SDK1: variants seen among roughly 807,000 people sequenced by gnomAD.
The protein encoded by SDK1 is protein sidekick-1.
A neutral mutation model predicts 245.5 loss-of-function variants in SDK1; 157 were observed. The observed-to-expected ratio is 0.64, with a 90% CI of 0.56 to 0.73. SDK1 has a LOEUF of 0.73. Among genes scored for constraint, SDK1 ranks in the 30% least tolerant of loss-of-function variants. The pLI is 0.00. For synonymous variants in SDK1, 1,647 were observed against 1,278.5 expected, an observed-to-expected ratio of 1.29 and a Z score of -6.15; for missense variants, 3,583 against 3,002.3, an observed-to-expected ratio of 1.19 and a Z score of -4.52.
rs143485380 is a variant in SDK1 at position 3,836,376 on chromosome 7, C to T, written c.847+14793C>T. On this transcript the variant is annotated intron_variant, in intron 5 of 44. Coordinates refer to ENST00000404826, the MANE Select transcript of SDK1 (RefSeq NM_152744.4). ...TCAATGTACGAGTGAGTAAAAAGTA[C>T]GGCATTAGTCAGTTTGAGTTGCTGT... is the stretch of plus-strand genomic sequence containing the variant. Among the ~76,000 whole-genome samples, 14 of 152,204 alleles carry T rather than the reference C, an allele frequency of 9.2e-5. 1 individual carries two copies. Among genetic ancestry groups the T allele is most frequent in the Admixed American group, 1.3e-4 (2 of 15,286 alleles).
At chr7:3,965,500 A>C (rs1269116066) in intron 9 of SDK1, among the ~76,000 whole-genome samples, 1 of 152,168 alleles carries the variant, frequency 6.6e-6, no homozygotes, top group African/African-American at 2.4e-5. Flanking sequence ...TTGCAAAATG[A>C]GTTTTTTAAT....
chr7:3,605,262 A>G (rs1012368885), intron 1 of SDK1, among the ~76,000 whole-genome samples: 2 of 152,242 alleles, frequency 1.3e-5, no homozygotes, highest in South Asian at 2.1e-4. Context: ...ATATTGTGGA[A>G]TTTTAGGCTG....
At chr7:3,476,622 G>A (rs1437028896) in intron 1 of SDK1, among the ~76,000 whole-genome samples, 1 of 152,076 alleles carries the variant, frequency 6.6e-6, no homozygotes, top group African/African-American at 2.4e-5. Context: ...TTCTGTTAAT[G>A]GTGGATTTAT....
chr7:3,315,776 A>G (rs1250945728), intron 1 of SDK1, among the ~76,000 whole-genome samples: 4 of 152,198 alleles, frequency 2.6e-5, no homozygotes, highest in East Asian at 1.9e-4. Context: ...ATATGGTACT[A>G]AAGTTGTTTA....
intron 5 of SDK1, among the ~76,000 whole-genome samples, chr7:3,869,448 G>A (rs35858244): frequency 3.3e-5 from 5 of 152,028 alleles, no homozygotes; most frequent in Admixed American, 6.5e-5. Context: ...GAGCCACCAC[G>A]CCTGGCCTGT....
Position 4,161,809 on chromosome 7 carries a change from G to A in SDK1, c.4753G>A (p.Val1585Ile). The change falls in exon 32 of 45, where the codon GTC becomes ATC. Residue 1585 changes from valine (V) to isoleucine (I), a missense_variant. By Grantham distance (29) the Val-to-Ile change is conservative (BLOSUM62 3). Coordinates refer to ENST00000404826, the MANE Select transcript of SDK1 (RefSeq NM_152744.4). ...QDVPGEPPGS[V>I]SATPHTTSSV... ...AGTTCCAGGAGAGCCCCCGGGATCT[G>A]TCTCAGCGACGCCACACACCACGTC... is the stretch of plus-strand genomic sequence containing the variant. 1 of 1,614,162 alleles carries A rather than the reference G, an allele frequency of 6.2e-7. No individual in the cohort carries two copies. Among genetic ancestry groups the A allele is most frequent in the East Asian group, 2.2e-5 (1 of 44,878 alleles).
chr7:3,913,515 G>A (rs1185007630), intron 5 of SDK1, among the ~76,000 whole-genome samples: 1 of 151,874 alleles, frequency 6.6e-6, no homozygotes, highest in African/African-American at 2.4e-5. Flanking sequence ...GGATGGTCTC[G>A]ATCTCCTGAC....
chr7:4,202,736 A>G (rs1028792378), intron 35 of SDK1, among the ~76,000 whole-genome samples: 1 of 152,164 alleles, frequency 6.6e-6, no homozygotes, highest in Non-Finnish European at 1.5e-5. Context: ...CTCCTCCACC[A>G]AATGCCACGT....
At chr7:3,595,664 C>T (rs1051073036) in intron 1 of SDK1, among the ~76,000 whole-genome samples, 2 of 151,332 alleles carry the variant, frequency 1.3e-5, no homozygotes, top group African/African-American at 2.4e-5. Context: ...TTGACTCTGC[C>T]ACTTCCTGCG....
chr7:3,822,734 C>G lies in SDK1; in HGVS notation c.847+1151C>G, dbSNP rs534384448. ...AGTGAGCTGAGATCATGCCATTACACTCCAGCCTGGGCAGAAAGAATGAAA... is the reference window on the plus strand; with the variant it reads ...AGTGAGCTGAGATCATGCCATTACAGTCCAGCCTGGGCAGAAAGAATGAAA... On this transcript the variant is annotated intron_variant, in intron 5 of 44. Coordinates refer to ENST00000404826, the MANE Select transcript of SDK1 (RefSeq NM_152744.4). Among the ~76,000 whole-genome samples the G allele has an allele frequency of 2.8e-3, 420 of 151,320 alleles. 4 individuals carry two copies. Among genetic ancestry groups the G allele is most frequent in the African/African-American group, 1.0e-2 (411 of 41,202 alleles).
intron 38 of SDK1, among the ~76,000 whole-genome samples, chr7:4,217,571 CGG>C (rs1784903469): frequency 8.4e-5 from 8 of 94,902 alleles, no homozygotes; most frequent in East Asian, 6.8e-4. Flanking sequence ...CCACACCACC[CGG>C]AGCACCACGC....
At chr7:3,837,726 A>C (rs2115082970) in intron 5 of SDK1, among the ~76,000 whole-genome samples, 1 of 152,322 alleles carries the variant, frequency 6.6e-6, no homozygotes, top group Middle Eastern at 3.4e-3. Context: ...GGAGCTATTG[A>C]ATACTTGAAA....
At chr7:3,462,184 G>T (rs1452139505) in intron 1 of SDK1, among the ~76,000 whole-genome samples, 1 of 152,068 alleles carries the variant, frequency 6.6e-6, no homozygotes, top group African/African-American at 2.4e-5. Flanking sequence ...AGGCCTAAAG[G>T]ATGCTCTTCA....
chr7:4,205,865 T>A lies in SDK1; in HGVS notation c.5099-14T>A. ...TGAACGTCTCAGCTTCTCTCCGCAT[T>A]GCTCTTTCCTCAGCCCCGGCCATGG... On this transcript the variant is annotated splice_polypyrimidine_tract_variant and intron_variant, in intron 35 of 44. Transcript: ENST00000404826. The A allele has an allele frequency of 6.5e-7, 1 of 1,548,120 alleles. No individual in the cohort carries two copies. The highest frequency in any genetic ancestry group is 1.4e-5 in the African/African-American group (1 of 73,124).
At chr7:3,746,593 A>G (rs907575994) in intron 4 of SDK1, among the ~76,000 whole-genome samples, 3 of 152,240 alleles carry the variant, frequency 2.0e-5, no homozygotes, top group Non-Finnish European at 4.4e-5. Flanking sequence ...TCATGTGAAC[A>G]AAGTTCAGAG....
intron 22 of SDK1, among the ~76,000 whole-genome samples, chr7:4,083,113 G>C (rs1428337776): frequency 6.6e-6 from 1 of 152,114 alleles, no homozygotes; most frequent in Non-Finnish European, 1.5e-5. Context: ...TTGACATACA[G>C]GTTTAAACTG....
chr7:4,030,463 T>C (rs2342489), intron 17 of SDK1, among the ~76,000 whole-genome samples: 44,485 of 152,092 alleles, frequency 0.29, 9,645 homozygotes, highest in African/African-American at 0.62. Flanking sequence ...GTTTTGCTGG[T>C]GGCAGTTGAC....
intron 1 of SDK1, among the ~76,000 whole-genome samples, chr7:3,613,216 C>G (rs1332994665): frequency 6.6e-6 from 1 of 152,088 alleles, no homozygotes; most frequent in East Asian, 1.9e-4. Flanking sequence ...GTTAGGGAAG[C>G]CGGGGGACGC....
chr7:3,449,890 GC>G (rs1320303574), intron 1 of SDK1, among the ~76,000 whole-genome samples: 1 of 152,194 alleles, frequency 6.6e-6, no homozygotes, highest in Non-Finnish European at 1.5e-5. Flanking sequence ...TTACATCATT[GC>G]AGAACTGTTT....
Sources: allele counts gnomAD v4.1 joint callset (sites outside exome capture counted in the v4.1 genomes callset), GRCh38; gene constraint gnomAD v4.1.1; transcripts MANE v1.5; gene names NCBI Gene and HGNC (gene_info 2026-07-23, HGNC 2026-07-21).